C2CD3: variants seen among roughly 807,000 people sequenced by gnomAD.
The protein encoded by C2CD3 is C2 domain-containing protein 3.
In C2CD3, 148 loss-of-function variants were observed where a neutral mutation model predicts 234.0. That is an observed-to-expected ratio of 0.63 (90% confidence interval 0.55 to 0.72). The LOEUF (loss-of-function observed/expected upper bound fraction) is 0.72, where lower values mean the gene tolerates loss of function less well. Among genes scored for constraint, C2CD3 ranks in the 30% least tolerant of loss-of-function variants. The probability of loss-of-function intolerance (pLI) is 0.00; values close to 1 mark genes in which losing one functional copy is unlikely to be tolerated. For missense variants in C2CD3, 2,577 were observed against 2,811.5 expected, an observed-to-expected ratio of 0.92 and a Z score of 1.89; for synonymous variants, 1,000 against 1,035.4, an observed-to-expected ratio of 0.97 and a Z score of 0.66.
intron 3 of C2CD3, among the ~76,000 whole-genome samples, chr11:74,149,655 T>C (rs1413151964): frequency 2.0e-5 from 3 of 152,042 alleles, no homozygotes; most frequent in Non-Finnish European, 4.4e-5. Flanking sequence ...CAATTTGGAA[T>C]AGCTGCCATC....
intron 19 of C2CD3, among the ~76,000 whole-genome samples, chr11:74,092,196 G>A (rs1300238599): frequency 1.3e-5 from 2 of 151,916 alleles, no homozygotes; most frequent in East Asian, 3.9e-4. Flanking sequence ...GGGATTACAA[G>A]CATGGGCCAC....
chr11:74,142,239 ATC>A (rs1246498444), intron 3 of C2CD3: 1 of 152,178 alleles, frequency 6.6e-6, no homozygotes. Context: ...GGGGTTACAG[ATC>A]TCTCTCTGTT....
intron 31 of C2CD3, among the ~76,000 whole-genome samples, chr11:74,029,428 A>G (rs1168835202): frequency 6.6e-6 from 1 of 152,238 alleles, no homozygotes; most frequent in East Asian, 1.9e-4. Flanking sequence ...CTCAATAAAT[A>G]TCTTGTGAAT....
intron 3 of C2CD3, chr11:74,142,366 T>C (rs1354435655): frequency 6.6e-6 from 1 of 152,296 alleles, no homozygotes; most frequent in Admixed American, 6.5e-5. Flanking sequence ...CAAAGTGATT[T>C]TGAAATACAA....
chr11:74,075,369 G>A (rs117116373), intron 23 of C2CD3, among the ~76,000 whole-genome samples: 1 of 151,520 alleles, frequency 6.6e-6, no homozygotes, highest in African/African-American at 2.4e-5. Context: ...GATATTTTGG[G>A]GGGGGGTGGG....
chr11:74,073,085 T>C (rs1565256602), intron 24 of C2CD3, among the ~76,000 whole-genome samples: 1 of 152,108 alleles, frequency 6.6e-6, no homozygotes, highest in Non-Finnish European at 1.5e-5. Context: ...TGAATAAAGG[T>C]AGGGCAGGAA....
chr11:74,168,209 A>G, intron 2 of C2CD3, 135 bp downstream of exon 2: 5 of 690,694 alleles, frequency 7.2e-6, no homozygotes, highest in Non-Finnish European at 1.2e-5. Context: ...AAAAATGTCT[A>G]CTATAAAAAC....
At chr11:74,094,043 T>TA (rs1228459188) in intron 17 of C2CD3, 44 bp from the exon 18 acceptor site, 1 of 1,481,168 alleles carries the variant, frequency 6.8e-7, no homozygotes, top group Non-Finnish European at 9.3e-7. Context: ...ACATATGACT[T>TA]AGTGTTTTCT....
intron 26 of C2CD3, among the ~76,000 whole-genome samples, chr11:74,049,888 C>G (rs906905261): frequency 1.3e-5 from 2 of 151,934 alleles, no homozygotes; most frequent in Admixed American, 6.5e-5. Flanking sequence ...TCAAGCAATC[C>G]TCCCTCTTCA....
intron 31 of C2CD3, 91 bp from the exon 32 acceptor site, chr11:74,028,489 C>G: frequency 6.6e-6 from 5 of 760,322 alleles, no homozygotes; most frequent in East Asian, 2.7e-5. Flanking sequence ...ACTCTGCCCC[C>G]ACTCATGTTT....
intron 21 of C2CD3, 85 bp downstream of exon 21, chr11:74,085,533 G>T: frequency 7.5e-7 from 1 of 1,341,762 alleles, no homozygotes; most frequent in Non-Finnish European, 1.0e-6. Flanking sequence ...TTTAAATACT[G>T]CAGTATGTAT....
At position 74,057,505 on chromosome 11, in the gene C2CD3, C is replaced by G; in HGVS notation, c.4991G>C (p.Cys1664Ser). Residue 1664 changes from cysteine (C) to serine (S), a missense_variant, in exon 25 of 33, where the codon TGT becomes TCT. Cys to Ser is a moderately radical substitution (Grantham distance 112). Coordinates refer to ENST00000334126, the MANE Select transcript of C2CD3 (RefSeq NM_001286577.2). ...ATCGGCTGTTGCAAAGGATACACAA[C>G]AACTGGGTATCGATACTTTCCGCTC... ...LTERKVSIPS[C>S]CVSFATADES... 1 of 1,613,948 alleles carries G rather than the reference C, an allele frequency of 6.2e-7. No homozygotes were observed. The highest frequency in any genetic ancestry group is 8.5e-7 in the Non-Finnish European group (1 of 1,179,838).
chr11:74,088,311 G>A (rs1156429970), intron 20 of C2CD3, among the ~76,000 whole-genome samples: 1 of 152,208 alleles, frequency 6.6e-6, no homozygotes, highest in Non-Finnish European at 1.5e-5. Context: ...CGAAGCTCAT[G>A]GAAGTAAAGA....
chr11:74,054,552 A>G, intron 26 of C2CD3, 55 bp downstream of exon 26: 2 of 856,904 alleles, frequency 2.3e-6, no homozygotes, highest in Admixed American at 2.4e-5. Context: ...GATTGTTAAC[A>G]GGATGTGAGC....
chr11:74,155,246 C>A (rs1289740465), intron 3 of C2CD3, among the ~76,000 whole-genome samples: 1 of 152,168 alleles, frequency 6.6e-6, no homozygotes, highest in Non-Finnish European at 1.5e-5. Flanking sequence ...TTCAACAAAT[C>A]CAATGACTGC....
rs1956227169 is a variant in C2CD3 at position 74,099,400 on chromosome 11, G to A, written c.2732+1125C>T. 2.0e-5 allele frequency among the ~76,000 whole-genome samples: 3 copies of A among 152,104 alleles called. No individual in the cohort carries two copies. In the South Asian group the frequency reaches 6.2e-4, roughly 32 times the overall value. On this transcript the variant is annotated intron_variant, in intron 15 of 32. Coordinates refer to ENST00000334126, the MANE Select transcript of C2CD3 (RefSeq NM_001286577.2). ...GGTTAAGTGACTTCTGCAAGTTAAA[G>A]GACAAATTTCTTCATCTGTAATATA... is the stretch of plus-strand genomic sequence containing the variant.
chr11:74,095,588 T>G (rs765610773), intron 16 of C2CD3, among the ~76,000 whole-genome samples, 180 bp from the exon 17 acceptor site: 1 of 152,232 alleles, frequency 6.6e-6, no homozygotes, highest in Non-Finnish European at 1.5e-5. Context: ...CTAAACAGGA[T>G]GTACTCTTGA....
At chr11:74,143,455 T>G (rs2135548595) in intron 3 of C2CD3, among the ~76,000 whole-genome samples, 1 of 151,280 alleles carries the variant, frequency 6.6e-6, no homozygotes, top group Admixed American at 6.6e-5. Context: ...TGGGCTCAAG[T>G]GATCCTCCTG....
chr11:74,113,667 G>A (rs1025216266), intron 11 of C2CD3, 113 bp downstream of exon 11: 3 of 734,412 alleles, frequency 4.1e-6, no homozygotes, highest in Non-Finnish European at 4.8e-6. Flanking sequence ...GCGAAAGAGT[G>A]AGACTCCATG....
Sources: allele counts gnomAD v4.1 joint callset (sites outside exome capture counted in the v4.1 genomes callset), GRCh38; gene constraint gnomAD v4.1.1; transcripts MANE v1.5; gene names NCBI Gene and HGNC (gene_info 2026-07-23, HGNC 2026-07-21).